The following MX2 variants were observed in gnomAD, a reference collection of about 807,000 sequenced individuals.
The protein encoded by MX2 is interferon-induced GTP-binding protein Mx2.
A neutral mutation model predicts 74.0 loss-of-function variants in MX2; 51 were observed. The ratio of observed to expected loss-of-function variants is 0.69; its 90% CI spans 0.55 to 0.87. The LOEUF is 0.87. Among genes scored for constraint, MX2 ranks in the 40% least tolerant of loss-of-function variants. MX2 has a pLI of 0.00. For synonymous variants in MX2, 369 were observed against 339.3 expected (o/e 1.09, Z -0.96); for missense variants, 832 against 908.7 (o/e 0.92, Z 1.09).
intron 7 of MX2, among the ~76,000 whole-genome samples, chr21:41,397,268 G>A (rs1418827611): frequency 6.6e-6 from 1 of 152,224 alleles, no homozygotes; most frequent in East Asian, 1.9e-4. Context: ...TTAGATTGGT[G>A]CCTGGCACTT....
chr21:41,392,947 A>T (rs1007694632), intron 6 of MX2, among the ~76,000 whole-genome samples: 1 of 152,040 alleles, frequency 6.6e-6, no homozygotes, highest in African/African-American at 2.4e-5. Flanking sequence ...TCTACTAAAA[A>T]TACAAAAAAT....
chr21:41,401,410 T>C (rs1477423472), intron 10 of MX2: 4 of 152,398 alleles, frequency 2.6e-5, no homozygotes, highest in African/African-American at 9.7e-5. Flanking sequence ...ATTTAACTGA[T>C]CAGATTTTTG....
At chr21:41,404,220 A>G (rs2089855392) in intron 12 of MX2, 1 of 153,802 alleles carries the variant, frequency 6.5e-6, no homozygotes. Context: ...CCTTGGATAG[A>G]CACAGCCTTG....
At chr21:41,377,634 G>A (rs117495134) in intron 2 of MX2, among the ~76,000 whole-genome samples, 155 bp from the exon 3 acceptor site, 1,957 of 152,228 alleles carry the variant, frequency 0.013, 17 homozygotes, top group Middle Eastern at 0.024. Flanking sequence ...GAACAGAAGG[G>A]CCCCTGAAAG....
In MX2 at chr21:41,399,342, G is replaced by A; in HGVS notation, c.1414+5G>A. 6.2e-7 allele frequency: 1 copy of A among 1,613,138 alleles called. No homozygotes were observed. Among genetic ancestry groups the A allele is most frequent in the Non-Finnish European group, 8.5e-7 (1 of 1,179,806 alleles). ...TTGCAACTAATACCCAAAAAGGTAA[G>A]TTCTGGGCAGGGCTCCCTGCAAAAC... is the stretch of plus-strand genomic sequence containing the variant. On this transcript the variant is annotated splice_donor_5th_base_variant and intron_variant, in intron 10 of 13. Transcript: ENST00000330714.
At chr21:41,389,124 G>A (rs1349908480) in intron 5 of MX2, among the ~76,000 whole-genome samples, 1 of 151,920 alleles carries the variant, frequency 6.6e-6, no homozygotes, top group Non-Finnish European at 1.5e-5. Flanking sequence ...TCAACTAAAG[G>A]ACGATCAACG....
chr21:41,383,268 T>C (rs2089523095), intron 5 of MX2, among the ~76,000 whole-genome samples: 1 of 152,232 alleles, frequency 6.6e-6, no homozygotes, highest in South Asian at 2.1e-4. Flanking sequence ...GCTGAGGTGC[T>C]AGGACCACCC....
Position 41,380,930 on chromosome 21 carries a change from C to T in MX2, c.577+779C>T, listed in dbSNP as rs1241131015. Among the ~76,000 whole-genome samples, 1 of 152,168 alleles carries T rather than the reference C, an allele frequency of 6.6e-6. No individual in the cohort carries two copies. The highest frequency in any genetic ancestry group is 1.5e-5 in the Non-Finnish European group (1 of 68,026). ...CAGCCAGGATAGATGGAAAAACAAT[C>T]CTGAATGTACTAAGACTCCCTGCAG... is the stretch of plus-strand genomic sequence containing the variant. On this transcript the variant is annotated intron_variant, in intron 4 of 13. Coordinates refer to ENST00000330714, the MANE Select transcript of MX2 (RefSeq NM_002463.2). The surrounding 1 kb of genome is among the most constrained non-coding windows in gnomAD (Gnocchi z 4.3).
intron 6 of MX2, among the ~76,000 whole-genome samples, chr21:41,394,891 C>G (rs1007871130): frequency 6.6e-6 from 1 of 150,972 alleles, no homozygotes; most frequent in Non-Finnish European, 1.5e-5. Context: ...AAGTGAGCCA[C>G]TGCACTCCAG....
At position 41,406,848 on chromosome 21, in the gene MX2, C is replaced by T; in HGVS notation, c.1755C>T (p.Tyr585=). Residue 585 remains tyrosine (Y), a synonymous_variant, in exon 13 of 14, where the codon TAC becomes TAT. Transcript: ENST00000330714. ...TGGTTTTTTGTCAAGATCAGATTTACAGTGTTGTTCTGAAGAAAGTCCGAG... is the reference window on the plus strand; with the variant it reads ...TGGTTTTTTGTCAAGATCAGATTTATAGTGTTGTTCTGAAGAAAGTCCGAG... The part of the protein sequence containing the change: ...EQMVFCQDQI[Y]SVVLKKVREE... The T allele has an allele frequency of 6.2e-7, 1 of 1,614,220 alleles. No individual in the cohort carries two copies. The highest frequency in any genetic ancestry group is 1.1e-5 in the South Asian group (1 of 91,088).
At position 41,382,414 on chromosome 21, in the gene MX2, G is replaced by A; in HGVS notation, c.582G>A (p.Gln194=). ...CTCCCCTCCTGGCCTCCATAGCCCA[G>A]AACGTCATGGCCGGGAATGGCCGGG... The part of the protein sequence containing the change: ...GQVEKEIHKA[Q]NVMAGNGRGI... Residue 194 remains glutamine (Q), a synonymous_variant, in exon 5 of 14, where the codon CAG becomes CAA. Transcript: ENST00000330714. The A allele has an allele frequency of 2.5e-6, 4 of 1,613,988 alleles. No homozygotes were observed. The highest frequency in any genetic ancestry group is 2.5e-6 in the Non-Finnish European group (3 of 1,179,990).
chr21:41,401,857 T>C (rs1186324764), intron 10 of MX2, 113 bp from the exon 11 acceptor site: 9 of 1,175,654 alleles, frequency 7.7e-6, no homozygotes, highest in African/African-American at 1.5e-5. Context: ...AACTCCACTT[T>C]GCAACATTGC....
At chr21:41,383,788 G>A (rs2089530171) in intron 5 of MX2, among the ~76,000 whole-genome samples, 1 of 152,154 alleles carries the variant, frequency 6.6e-6, no homozygotes, top group South Asian at 2.1e-4. Context: ...TAAGAGCAGG[G>A]AAATTAGCTC....
chr21:41,377,916 A>G lies in MX2; in HGVS notation c.377A>G (p.Asp126Gly), dbSNP rs909549043. ...CTGCCAGCCATCGCCGTCATCGGGGACCAGAGCTCGGGCAAGAGCTCTGTG... is the reference window on the plus strand; with the variant it reads ...CTGCCAGCCATCGCCGTCATCGGGGGCCAGAGCTCGGGCAAGAGCTCTGTG... ...LALPAIAVIG[D>G]QSSGKSSVLE... The change falls in exon 3 of 14, where the codon GAC (aspartate) becomes GGC (glycine). Residue 126 changes from aspartate to glycine, a missense_variant. Physicochemically the swap from Asp to Gly is moderately conservative, Grantham distance 94. Coordinates refer to ENST00000330714, the MANE Select transcript of MX2 (RefSeq NM_002463.2). 1.1e-4 allele frequency: 172 copies of G among 1,614,064 alleles called. No homozygotes were observed. The highest frequency in any genetic ancestry group is 1.4e-4 in the Non-Finnish European group (160 of 1,180,046).
chr21:41,387,913 C>A (rs537846989), intron 5 of MX2, among the ~76,000 whole-genome samples: 1 of 152,288 alleles, frequency 6.6e-6, no homozygotes, highest in East Asian at 1.9e-4. Context: ...CAGGCCATGA[C>A]CACTGGGGTC....
At chr21:41,372,930 A>G (rs2089343758) in intron 1 of MX2, 1 of 152,162 alleles carries the variant, frequency 6.6e-6, no homozygotes, top group Non-Finnish European at 1.5e-5. Flanking sequence ...TTTTTCCTCC[A>G]CAGCCTTTAT....
chr21:41,403,624 C>T (rs764290528), intron 12 of MX2: 17 of 671,650 alleles, frequency 2.5e-5, no homozygotes, highest in South Asian at 1.8e-4. Flanking sequence ...GGGGCTCCAC[C>T]GAGGACTGGC....
Position 41,398,904 on chromosome 21 carries a change from TCC to T in MX2, c.1159_1160del (p.Pro387ValfsTer23). ...TGCAATTGTTTTGTTTAGAAATCGC[TCC>T]CGTTGTTAGAAGGACAAATAAGGGA... On this transcript the variant is annotated frameshift_variant, in exon 9 of 14. Coordinates refer to ENST00000330714, the MANE Select transcript of MX2 (RefSeq NM_002463.2). LOFTEE classifies it high-confidence loss of function. 6.2e-7 allele frequency: 1 copy of T among 1,612,828 alleles called. No homozygotes were observed. Among genetic ancestry groups the T allele is most frequent in the Non-Finnish European group, 8.5e-7 (1 of 1,179,176 alleles).
In MX2 at chr21:41,402,181, ACCCC is replaced by A; in HGVS notation, c.1573+54_1573+57del. On this transcript the variant is annotated intron_variant, in intron 11 of 13. Coordinates refer to ENST00000330714, the MANE Select transcript of MX2 (RefSeq NM_002463.2). The surrounding 1 kb of genome is among the most constrained non-coding windows in gnomAD (Gnocchi z 4.5). ...ACCATCACTCTCATACCTTCCATAG[ACCCC>A]AGTGCCTTGGAGGGAGAGATTGGAA... 1.9e-6 allele frequency: 3 copies of A among 1,554,568 alleles called. No homozygotes were observed. Among genetic ancestry groups the A allele is most frequent in the Non-Finnish European group, 2.6e-6 (3 of 1,149,532 alleles).
Sources: allele counts gnomAD v4.1 joint callset (sites outside exome capture counted in the v4.1 genomes callset), GRCh38; gene constraint gnomAD v4.1.1; non-coding constraint Gnocchi (gnomAD v3.1); transcripts MANE v1.5; gene names NCBI Gene and HGNC (gene_info 2026-07-23, HGNC 2026-07-21).